The following TAF15 variants were observed in gnomAD, a reference collection of about 807,000 sequenced individuals.
The protein encoded by TAF15 is TATA-binding protein-associated factor 2N.
In TAF15, 37 loss-of-function variants were observed where a neutral mutation model predicts 102.5. The ratio of observed to expected loss-of-function variants is 0.36; its 90% CI spans 0.28 to 0.47. The LOEUF is 0.47. Ranked by LOEUF, TAF15 falls within the 20% of genes least tolerant of loss-of-function variation. The probability of loss-of-function intolerance (pLI) is 0.99; values close to 1 mark genes in which losing one functional copy is unlikely to be tolerated. For missense variants in TAF15, 652 were observed against 760.7 expected (o/e 0.86, Z 1.68); for synonymous variants, 273 against 259.2 (o/e 1.05, Z -0.51).
At chr17:35,813,110 T>G (rs1258227539) in intron 1 of TAF15, among the ~76,000 whole-genome samples, 2 of 122,296 alleles carry the variant, frequency 1.6e-5, no homozygotes, top group African/African-American at 6.7e-5. Flanking sequence ...AGAGCAAGAC[T>G]CTGTCTCAAA....
intron 11 of TAF15, among the ~76,000 whole-genome samples, chr17:35,839,425 G>A (rs1382290180): frequency 1.7e-5 from 2 of 119,016 alleles, no homozygotes; most frequent in South Asian, 2.7e-4. Context: ...TTTGTCTCCC[G>A]GGCTGGAGTG....
chr17:35,825,340 GCTT>G (rs1007457396), intron 7 of TAF15, among the ~76,000 whole-genome samples: 2 of 152,168 alleles, frequency 1.3e-5, no homozygotes, highest in African/African-American at 4.8e-5. Context: ...TAAATTCTAT[GCTT>G]CTTCATTGTC....
At chr17:35,825,239 A>G (rs1451136162) in intron 7 of TAF15, among the ~76,000 whole-genome samples, 1 of 152,216 alleles carries the variant, frequency 6.6e-6, no homozygotes, top group Non-Finnish European at 1.5e-5. Context: ...TTTTTTGGAA[A>G]AACTAAATTT....
At chr17:35,843,965 G>A in intron 12 of TAF15, 112 bp from the exon 13 acceptor site, 2 of 950,844 alleles carry the variant, frequency 2.1e-6, no homozygotes, top group Non-Finnish European at 3.5e-6. Flanking sequence ...GGGTTAATTT[G>A]CAGAGTGCTG....
intron 7 of TAF15, among the ~76,000 whole-genome samples, chr17:35,831,600 A>C (rs1420082608): frequency 1.3e-5 from 2 of 152,124 alleles, no homozygotes; most frequent in Non-Finnish European, 2.9e-5. Flanking sequence ...CATGTTTTCC[A>C]TCCATTGTGG....
At chr17:35,842,334 G>C in intron 11 of TAF15, 33 bp from the exon 12 acceptor site, 2 of 1,537,508 alleles carry the variant, frequency 1.3e-6, no homozygotes, top group Non-Finnish European at 1.8e-6. Flanking sequence ...GTATAGAGTA[G>C]CATTGCTTCA....
In TAF15 at chr17:35,844,594, G is replaced by T. The variant is rs774330994; in HGVS notation, c.1295G>T (p.Ser432Ile). 6 of 1,599,692 alleles carry T rather than the reference G, an allele frequency of 3.8e-6. No homozygotes were observed. Among genetic ancestry groups the T allele is most frequent in the Non-Finnish European group, 5.1e-6 (6 of 1,172,256 alleles). The change falls in exon 15 of 16, where the codon AGC (serine) becomes ATC (isoleucine). Residue 432 changes from serine (S) to isoleucine (I), a missense_variant. Transcript: ENST00000605844. The stretch of plus-strand genomic sequence containing the variant: ...GGGGGTGGCTATGGTGGAGACAGAA[G>T]CAGCGGTGGTGGCTACAGCGGAGAT... ...RSGGGYGGDR[S>I]SGGGYSGDRS...
Position 35,844,753 on chromosome 17 carries a change from G to A in TAF15, c.1454G>A (p.Gly485Asp), listed in dbSNP as rs533788464. ...RGGGYGGDRG[G>D]YGGDRGGGYG... Reference sequence around the variant, plus strand: ...GGTGGCTATGGAGGAGATCGAGGTGGCTATGGAGGAGACCGAGGTGGAGGC... The same window carrying A: ...GGTGGCTATGGAGGAGATCGAGGTGACTATGGAGGAGACCGAGGTGGAGGC... Residue 485 changes from glycine to aspartate, a missense_variant, in exon 15 of 16, where the codon GGC becomes GAC. Gly to Asp is a moderately conservative substitution (Grantham distance 94, BLOSUM62 -1). Around this residue, in one of 3 missense-constraint regions of TAF15, gnomAD observed 368 missense variants for 367.5 expected, o/e 1.00. Transcript: ENST00000605844. The A allele has an allele frequency of 6.2e-7, 1 of 1,612,316 alleles. No individual in the cohort carries two copies.
In TAF15 at chr17:35,820,095, G is replaced by A; in HGVS notation, c.99+20G>A. On this transcript the variant is annotated intron_variant, in intron 3 of 15. Transcript: ENST00000605844. Reference sequence around the variant, plus strand: ...TCACAAGTAGGTTGAAATATAAATTGTATTCTTCATAAGTAGTTATTTTTA... The same window carrying A: ...TCACAAGTAGGTTGAAATATAAATTATATTCTTCATAAGTAGTTATTTTTA... 6.2e-7 allele frequency: 1 copy of A among 1,613,884 alleles called. No individual in the cohort carries two copies. Among genetic ancestry groups the A allele is most frequent in the Non-Finnish European group, 8.5e-7 (1 of 1,179,808 alleles).
At chr17:35,828,650 G>A (rs2087359217) in intron 7 of TAF15, among the ~76,000 whole-genome samples, 1 of 152,006 alleles carries the variant, frequency 6.6e-6, no homozygotes, top group South Asian at 2.1e-4. Context: ...AGGATTGCTT[G>A]AGCCCAGGAG....
At chr17:35,814,872 G>GTA (rs200841363) in intron 1 of TAF15, among the ~76,000 whole-genome samples, 4,357 of 150,986 alleles carry the variant, frequency 0.029, 214 homozygotes, top group African/African-American at 0.1. Flanking sequence ...AAGTGTGTGT[G>GTA]TATATATATA....
intron 7 of TAF15, among the ~76,000 whole-genome samples, chr17:35,832,893 G>T (rs1467265823): frequency 6.6e-6 from 1 of 152,002 alleles, no homozygotes; most frequent in Admixed American, 6.6e-5. Flanking sequence ...GCAGTGGCTC[G>T]TGCCTGTAAT....
chr17:35,819,061 G>T (rs1440391843), intron 2 of TAF15, among the ~76,000 whole-genome samples: 1 of 152,010 alleles, frequency 6.6e-6, no homozygotes, highest in Non-Finnish European at 1.5e-5. Flanking sequence ...TAGGATAAAT[G>T]TTTTACAGCT....
chr17:35,845,827 G>A (rs992432564), intron 15 of TAF15, among the ~76,000 whole-genome samples: 4 of 152,074 alleles, frequency 2.6e-5, no homozygotes, highest in South Asian at 2.1e-4. Flanking sequence ...TATTTGTTTC[G>A]GTGTATCTGT....
chr17:35,838,993 G>A (rs554078740), intron 11 of TAF15, among the ~76,000 whole-genome samples: 1 of 152,034 alleles, frequency 6.6e-6, no homozygotes, highest in Non-Finnish European at 1.5e-5. Flanking sequence ...AGGCCAGGTG[G>A]CATTGCTTAT....
chr17:35,817,452 A>G (rs1002756036), intron 1 of TAF15: 8 of 458,058 alleles, frequency 1.7e-5, no homozygotes, highest in African/African-American at 1.4e-4. Context: ...TGTTTAAAGA[A>G]TGGATTTTCA....
chr17:35,817,847 A>C, intron 2 of TAF15, 92 bp downstream of exon 2: 3 of 1,077,438 alleles, frequency 2.8e-6, no homozygotes, highest in Non-Finnish European at 4.3e-6. Context: ...GCTGGATGTC[A>C]TAAGTTAAAT....
rs770939106 is a variant in TAF15, at chr17:35,844,961, T to TGGTGGCGGCTATGGAGGAGACCGA, written c.1668_1691dup (p.Gly565_Gly572dup). 2 of 1,602,566 alleles carry TGGTGGCGGCTATGGAGGAGACCGA rather than the reference T, an allele frequency of 1.2e-6. No individual in the cohort carries two copies. Among genetic ancestry groups the TGGTGGCGGCTATGGAGGAGACCGA allele is most frequent in the Non-Finnish European group, 1.7e-6 (2 of 1,176,282 alleles). On this transcript the variant is annotated inframe_insertion, in exon 15 of 16. Transcript: ENST00000605844. ...GTGGAGGCTATGGAGGAGACAGGAG[T>TGGTGGCGGCTATGGAGGAGACCGA]GGTGGCGGCTATGGAGGAGACCGAG...
At chr17:35,837,319 T>G (rs1312429635) in intron 10 of TAF15, among the ~76,000 whole-genome samples, 1 of 150,520 alleles carries the variant, frequency 6.6e-6, no homozygotes, top group Non-Finnish European at 1.5e-5. Context: ...ACCCAGCTAG[T>G]TAAAAATTTT....
Sources: allele counts gnomAD v4.1 joint callset (sites outside exome capture counted in the v4.1 genomes callset), GRCh38; gene constraint gnomAD v4.1.1; regional missense constraint gnomAD v4.1.1; transcripts MANE v1.5; gene names NCBI Gene and HGNC (gene_info 2026-07-23, HGNC 2026-07-21).